The following NR6A1 variants were observed in gnomAD, a reference collection of about 807,000 sequenced individuals.
NR6A1 encodes retinoic acid receptor-related testis-associated receptor.
Under a neutral mutation model 59.1 loss-of-function variants are expected in NR6A1, and 7 were observed. The ratio of observed to expected loss-of-function variants is 0.12; its 90% CI spans 0.07 to 0.22. The LOEUF is 0.22. Among genes scored for constraint, NR6A1 ranks in the 10% least tolerant of loss-of-function variants. The pLI, the probability that NR6A1 is intolerant of heterozygous loss-of-function variation, is 1.00. For synonymous variants in NR6A1, 243 were observed against 236.1 expected (o/e 1.03, Z -0.27); for missense variants, 468 against 611.6 (o/e 0.77, Z 2.48).
intron 2 of NR6A1, among the ~76,000 whole-genome samples, chr9:124,572,373 A>C (rs566516582): frequency 6.6e-6 from 1 of 152,352 alleles, no homozygotes; most frequent in Admixed American, 6.5e-5. Context: ...ATCTAAAGAC[A>C]ACTTCAAGAA....
intron 2 of NR6A1, among the ~76,000 whole-genome samples, chr9:124,568,491 A>ATGAGCCTC (rs1434817651): frequency 2.6e-5 from 4 of 151,924 alleles, no homozygotes; most frequent in African/African-American, 9.7e-5. Context: ...TCAAAAAAAA[A>ATGAGCCTC]AAACAAAAGA....
At chr9:124,747,927 C>T (rs1840381383) in intron 1 of NR6A1, among the ~76,000 whole-genome samples, 1 of 152,176 alleles carries the variant, frequency 6.6e-6, no homozygotes, top group African/African-American at 2.4e-5. Flanking sequence ...TGTTTGATTC[C>T]CCTTTTCAAC....
chr9:124,722,379 A>C (rs150702115), intron 2 of NR6A1, among the ~76,000 whole-genome samples: 1 of 152,370 alleles, frequency 6.6e-6, no homozygotes, highest in East Asian at 1.9e-4. Context: ...ATTTGGGCTT[A>C]TATAAACTAC....
chr9:124,524,976 G>C, intron 8 of NR6A1, 103 bp from the exon 9 acceptor site: 2 of 1,292,956 alleles, frequency 1.5e-6, no homozygotes, highest in South Asian at 3.1e-5. Context: ...TTTCAACTAA[G>C]TTACTAAACA....
intron 2 of NR6A1, among the ~76,000 whole-genome samples, chr9:124,710,683 G>A (rs1165875042): frequency 6.6e-6 from 1 of 152,152 alleles, no homozygotes; most frequent in Non-Finnish European, 1.5e-5. Context: ...CTTGTTAAGT[G>A]ACTATTAATA....
intron 2 of NR6A1, among the ~76,000 whole-genome samples, chr9:124,697,520 C>T (rs1360316511): frequency 6.6e-6 from 1 of 151,724 alleles, no homozygotes; most frequent in Non-Finnish European, 1.5e-5. Flanking sequence ...GTGTAACTAC[C>T]TTGGTGAAAT....
intron 2 of NR6A1, among the ~76,000 whole-genome samples, chr9:124,630,210 G>GTTTTTTTTTT (rs71372979): frequency 1.0e-5 from 1 of 95,356 alleles, no homozygotes; most frequent in East Asian, 3.2e-4. Context: ...CTCCAAATCA[G>GTTTTTTTTTT]TTTTTTTTTT....
chr9:124,704,568 G>A (rs546926663), intron 2 of NR6A1, among the ~76,000 whole-genome samples: 2 of 152,056 alleles, frequency 1.3e-5, no homozygotes, highest in African/African-American at 4.8e-5. Context: ...CAGCTACTTC[G>A]GATTAGTTTG....
chr9:124,637,584 A>G (rs573509109), intron 2 of NR6A1, among the ~76,000 whole-genome samples: 1 of 152,260 alleles, frequency 6.6e-6, no homozygotes, highest in Non-Finnish European at 1.5e-5. Flanking sequence ...ACTCTACACC[A>G]TCTCCCAGAA....
chr9:124,605,564 A>G (rs1835555148), intron 2 of NR6A1, among the ~76,000 whole-genome samples: 1 of 152,212 alleles, frequency 6.6e-6, no homozygotes, highest in Non-Finnish European at 1.5e-5. Context: ...CCTGGGCAAC[A>G]GAGCACGACT....
intron 2 of NR6A1, among the ~76,000 whole-genome samples, chr9:124,583,075 G>A (rs1358373535): frequency 6.6e-6 from 1 of 151,982 alleles, no homozygotes; most frequent in African/African-American, 2.4e-5. Flanking sequence ...TTGGCCATTA[G>A]GTAATCAACA....
At chr9:124,570,240 C>T (rs1464595098) in intron 2 of NR6A1, among the ~76,000 whole-genome samples, 3 of 152,118 alleles carry the variant, frequency 2.0e-5, no homozygotes, top group Non-Finnish European at 4.4e-5. Flanking sequence ...CCATACCTTT[C>T]CCCTTTCCCC....
At chr9:124,556,269 G>C (rs949086050) in intron 2 of NR6A1, among the ~76,000 whole-genome samples, 3 of 152,132 alleles carry the variant, frequency 2.0e-5, no homozygotes, top group Non-Finnish European at 4.4e-5. Flanking sequence ...ATCTGATAAA[G>C]ATAGTAGAGA....
chr9:124,667,270 A>G (rs1354786803), intron 2 of NR6A1, among the ~76,000 whole-genome samples: 3 of 151,728 alleles, frequency 2.0e-5, no homozygotes, highest in African/African-American at 7.3e-5. Context: ...TGACCTCATG[A>G]TCCACCCACC....
At chr9:124,763,391 T>TA (rs553577096) in intron 1 of NR6A1, among the ~76,000 whole-genome samples, 9 of 152,278 alleles carry the variant, frequency 5.9e-5, no homozygotes, top group African/African-American at 1.9e-4. Context: ...GTCAATACAG[T>TA]AAAAAAGGCA....
intron 2 of NR6A1, among the ~76,000 whole-genome samples, chr9:124,705,112 A>G (rs1188011668): frequency 6.6e-6 from 1 of 152,198 alleles, no homozygotes; most frequent in African/African-American, 2.4e-5. Flanking sequence ...TTTAATTTCA[A>G]ATATTTGGAG....
chr9:124,543,960 G>T, intron 3 of NR6A1, 103 bp from the exon 4 acceptor site: 1 of 876,368 alleles, frequency 1.1e-6, no homozygotes. Context: ...ACAGTAATTA[G>T]TGAATCCAAC....
At chr9:124,665,923 A>G (rs1377131870) in intron 2 of NR6A1, among the ~76,000 whole-genome samples, 3 of 152,218 alleles carry the variant, frequency 2.0e-5, no homozygotes, top group African/African-American at 4.8e-5. Context: ...GACTAATACA[A>G]TGAAGTTGTT....
chr9:124,560,858 C>T (rs1423550477), intron 2 of NR6A1, among the ~76,000 whole-genome samples: 1 of 151,902 alleles, frequency 6.6e-6, no homozygotes, highest in Non-Finnish European at 1.5e-5. Context: ...ACTGTGCTTG[C>T]CCCAAAGACA....
Sources: gnomAD v4.1 joint callset for allele counts (sites outside exome capture counted in the v4.1 genomes callset) on GRCh38, gnomAD v4.1.1 for gene constraint, MANE v1.5 for transcripts, NCBI Gene and HGNC (gene_info 2026-07-23, HGNC 2026-07-21) for gene names.